The following STARD13 variants were observed in gnomAD, a reference collection of about 807,000 sequenced individuals.
The protein encoded by STARD13 is StAR related lipid transfer domain containing 13.
Under a neutral mutation model 106.4 loss-of-function variants are expected in STARD13, and 62 were observed. The ratio of observed to expected loss-of-function variants is 0.58; its 90% CI spans 0.48 to 0.72. The LOEUF (loss-of-function observed/expected upper bound fraction) is 0.72, where lower values mean the gene tolerates loss of function less well. Ranked by LOEUF, STARD13 falls within the 30% of genes least tolerant of loss-of-function variation. The pLI, the probability that STARD13 is intolerant of heterozygous loss-of-function variation, is 0.00. For synonymous variants in STARD13, 565 were observed against 553.0 expected (o/e 1.02, Z -0.31); for missense variants, 1,387 against 1,424.0 (o/e 0.97, Z 0.42).
upstream of STARD13, among the ~76,000 whole-genome samples, chr13:33,352,842 G>A (rs1056061908): frequency 8.5e-5 from 13 of 152,184 alleles, no homozygotes; most frequent in African/African-American, 2.7e-4. Flanking sequence ...TACAGCATCC[G>A]CTCTCATTCT....
At chr13:33,320,894 C>A (rs1036540772) in intron 1 of STARD13, among the ~76,000 whole-genome samples, 10 of 152,094 alleles carry the variant, frequency 6.6e-5, no homozygotes, top group African/African-American at 2.4e-4. Context: ...TCATACCCTC[C>A]CTCTATGCAA....
chr13:33,394,508 A>G, the STARD13 span, among the ~76,000 whole-genome samples: 2 of 152,156 alleles, frequency 1.3e-5, no homozygotes, highest in Non-Finnish European at 2.9e-5. Flanking sequence ...TGAAATCATG[A>G]TCCTCTCTCT....
intron 1 of STARD13, chr13:33,279,475 C>T (rs1891652605): frequency 1.3e-5 from 2 of 152,136 alleles, no homozygotes; most frequent in African/African-American, 4.8e-5. Context: ...AGTTACAGAA[C>T]CCAAATTTGG....
At chr13:33,189,381 G>A (rs1420446108) in intron 1 of STARD13, among the ~76,000 whole-genome samples, 1 of 128,894 alleles carries the variant, frequency 7.8e-6, no homozygotes, top group African/African-American at 2.8e-5. Flanking sequence ...GGAAGGGAAC[G>A]ACAAACCAGA....
intron 1 of STARD13, chr13:33,349,294 C>T: frequency 1.4e-6 from 1 of 699,000 alleles, no homozygotes; most frequent in Non-Finnish European, 2.6e-6. Context: ...TCATGCTTCC[C>T]CCAGTCCCCG....
chr13:33,589,775 G>A, the STARD13 span, among the ~76,000 whole-genome samples: 3 of 152,196 alleles, frequency 2.0e-5, no homozygotes, highest in African/African-American at 7.2e-5. Flanking sequence ...TGTATATTCT[G>A]TTGATTTGGG....
intron 1 of STARD13, among the ~76,000 whole-genome samples, chr13:33,304,578 C>T (rs4423300): frequency 0.041 from 6,306 of 152,236 alleles, 145 homozygotes; most frequent in Middle Eastern, 0.13. Context: ...TCAAAGAATT[C>T]TGTAACTTTA....
chr13:33,383,587 T>TAA, the STARD13 span: 1 of 111,478 alleles, frequency 9.0e-6, no homozygotes, highest in Non-Finnish European at 1.9e-5. Context: ...CTACTAAAAA[T>TAA]ACAAAAAAAA....
the STARD13 span, among the ~76,000 whole-genome samples, chr13:33,487,670 T>G: frequency 6.6e-6 from 1 of 152,188 alleles, no homozygotes; most frequent in Non-Finnish European, 1.5e-5. Context: ...AGTGTTAACC[T>G]TGGTCTATTA....
At chr13:33,437,035 G>C in the STARD13 span, among the ~76,000 whole-genome samples, 1 of 152,054 alleles carries the variant, frequency 6.6e-6, no homozygotes, top group Non-Finnish European at 1.5e-5. Flanking sequence ...CCCTCATATT[G>C]TCTTATGCCC....
chr13:33,639,948 T>A, the STARD13 span, among the ~76,000 whole-genome samples: 16,533 of 152,196 alleles, frequency 0.11, 1,980 homozygotes, highest in African/African-American at 0.26. Context: ...ATTGTACTTG[T>A]CAATGGGTTT....
chr13:33,570,498 A>G, the STARD13 span, among the ~76,000 whole-genome samples: 3 of 148,324 alleles, frequency 2.0e-5, no homozygotes, highest in Admixed American at 1.4e-4. Context: ...CTGGAAATGC[A>G]TAGAAATCAT....
At chr13:33,295,848 G>A (rs540600779) in intron 1 of STARD13, among the ~76,000 whole-genome samples, 2 of 151,996 alleles carry the variant, frequency 1.3e-5, no homozygotes, top group African/African-American at 4.8e-5. Flanking sequence ...CCCATGAAGA[G>A]AAAAAAACTG....
chr13:33,357,789 G>C, the STARD13 span, among the ~76,000 whole-genome samples: 1 of 152,312 alleles, frequency 6.6e-6, no homozygotes, highest in South Asian at 2.1e-4. Flanking sequence ...AATTAACCGA[G>C]TGTGCTGGTG....
rs144058395 is a variant in STARD13 at position 33,109,888 on chromosome 13, T to G, written c.3032A>C (p.Asp1011Ala). Residue 1011 changes from aspartate (D) to alanine (A), a missense_variant, in exon 12 of 14, where the codon GAC (aspartate) becomes GCC (alanine). By Grantham distance (126) the Asp-to-Ala change is moderately radical. Coordinates refer to ENST00000336934, the MANE Select transcript of STARD13 (RefSeq NM_178006.4). ...TCAGGCTCACCTGAGAACCACAAAG[T>G]CTCTGGAAGGATGGGGAGCCATGCT... ...LNSMAPHPSR[D>A]FVVLRTWKTD... The G allele has an allele frequency of 1.2e-6, 2 of 1,614,174 alleles. No individual in the cohort carries two copies. The highest frequency in any genetic ancestry group is 1.7e-6 in the Non-Finnish European group (2 of 1,180,026).
the STARD13 span, among the ~76,000 whole-genome samples, chr13:33,474,212 G>A: frequency 3.3e-5 from 5 of 152,110 alleles, no homozygotes; most frequent in South Asian, 2.1e-4. Flanking sequence ...AACCAGAGTC[G>A]AGCTAGTTAG....
upstream of STARD13, among the ~76,000 whole-genome samples, chr13:33,285,935 C>T (rs1892041781): frequency 6.6e-6 from 1 of 151,982 alleles, no homozygotes; most frequent in Non-Finnish European, 1.5e-5. Context: ...AAGCAAAATA[C>T]ACGTATTTGA....
chr13:33,559,841 A>G, the STARD13 span, among the ~76,000 whole-genome samples: 10 of 151,456 alleles, frequency 6.6e-5, no homozygotes, highest in East Asian at 7.7e-4. Context: ...TGGGCGACAG[A>G]GTGAGACTCC....
chr13:33,119,718 T>C (rs969161941), intron 7 of STARD13, among the ~76,000 whole-genome samples: 9 of 152,338 alleles, frequency 5.9e-5, no homozygotes, highest in African/African-American at 2.2e-4. Flanking sequence ...ATCGCTCTAA[T>C]CCCACACATC....
Sources: gnomAD v4.1 joint callset for allele counts (sites outside exome capture counted in the v4.1 genomes callset) on GRCh38, gnomAD v4.1.1 for gene constraint, MANE v1.5 for transcripts, NCBI Gene and HGNC (gene_info 2026-07-23, HGNC 2026-07-21) for gene names.